KCNG2: variants seen among roughly 807,000 people sequenced by gnomAD.
The protein encoded by KCNG2 is potassium voltage-gated channel modifier subfamily G member 2.
Under a neutral mutation model 12.3 loss-of-function variants are expected in KCNG2, and 7 were observed. The ratio of observed to expected loss-of-function variants is 0.57; its 90% CI spans 0.32 to 1.07. KCNG2 has a LOEUF of 1.07. KCNG2 is among the 50% of genes least tolerant of loss of function. The pLI, the probability that KCNG2 is intolerant of heterozygous loss-of-function variation, is 0.04. For synonymous variants in KCNG2, 414 were observed against 351.4 expected, an observed-to-expected ratio of 1.18 and a Z score of -1.99; for missense variants, 703 against 726.0, an observed-to-expected ratio of 0.97 and a Z score of 0.36.
chr18:79,818,955 C>T (rs1477285168), intron 1 of KCNG2, among the ~76,000 whole-genome samples: 5 of 152,150 alleles, frequency 3.3e-5, no homozygotes, highest in Admixed American at 2.0e-4. Flanking sequence ...GACTAATGTC[C>T]GAGAGGCATC....
intron 3 of KCNG2, among the ~76,000 whole-genome samples, chr18:79,866,984 G>GGTGCTGAGAGGTCTGT (rs796153955): frequency 2.6e-5 from 3 of 113,376 alleles, no homozygotes; most frequent in African/African-American, 9.0e-5. Flanking sequence ...AAGAGGCCTG[G>GGTGCTGAGAGGTCTGT]GTGCTGAGAG....
intron 1 of KCNG2, among the ~76,000 whole-genome samples, chr18:79,826,527 T>C (rs1344146272): frequency 2.1e-5 from 3 of 144,840 alleles, no homozygotes; most frequent in Non-Finnish European, 4.5e-5. Context: ...CGTTACGTCA[T>C]TACGTTCAGT....
rs1354613299 is a variant in KCNG2, at chr18:79,800,466, G to T, written c.-115+2452G>T. Among the ~76,000 whole-genome samples the T allele has an allele frequency of 6.6e-6, 1 of 152,226 alleles. No homozygotes were observed. The highest frequency in any genetic ancestry group is 1.9e-4 in the East Asian group (1 of 5,194). ...GTAGGCATGAGTCCAACGAGGGCGG[G>T]CATTGACCGAGGTAGTTTAAGACCC... is the stretch of plus-strand genomic sequence containing the variant. On this transcript the variant is annotated intron_variant, in intron 1 of 3. Coordinates refer to ENST00000316249, the MANE Select transcript of KCNG2 (RefSeq NM_012283.2). The surrounding 1 kb of genome is among the most constrained non-coding windows in gnomAD (Gnocchi z 4.0).
At chr18:79,869,324 G>C (rs1298957641) in intron 3 of KCNG2, among the ~76,000 whole-genome samples, 1 of 152,176 alleles carries the variant, frequency 6.6e-6, no homozygotes, top group Non-Finnish European at 1.5e-5. Context: ...GCACACGGCG[G>C]GTGCGGAAGA....
chr18:79,815,121 G>A (rs1157232583), intron 1 of KCNG2, among the ~76,000 whole-genome samples: 1 of 152,060 alleles, frequency 6.6e-6, no homozygotes, highest in Non-Finnish European at 1.5e-5. Flanking sequence ...CCATCCTCAG[G>A]GTGAGGTATT....
At chr18:79,873,617 G>A (rs1473545054) in intron 3 of KCNG2, among the ~76,000 whole-genome samples, 1 of 152,024 alleles carries the variant, frequency 6.6e-6, no homozygotes, top group African/African-American at 2.4e-5. Flanking sequence ...TGTCTGTTGG[G>A]GAGCCCTGGA....
intron 2 of KCNG2, among the ~76,000 whole-genome samples, chr18:79,856,676 CA>C (rs1372703502): frequency 1.3e-5 from 2 of 152,128 alleles, no homozygotes; most frequent in Non-Finnish European, 2.9e-5. Flanking sequence ...CTGCAGAGGA[CA>C]GGGGAGCTCA....
chr18:79,844,505 T>C (rs1599386900), intron 1 of KCNG2, among the ~76,000 whole-genome samples: 1 of 152,200 alleles, frequency 6.6e-6, no homozygotes, highest in Non-Finnish European at 1.5e-5. Flanking sequence ...AATAATACTA[T>C]AGTGCATACT....
At chr18:79,838,201 A>G (rs555159872) in intron 1 of KCNG2, among the ~76,000 whole-genome samples, 23 of 152,354 alleles carry the variant, frequency 1.5e-4, no homozygotes, top group African/African-American at 5.5e-4. Context: ...TTACAAATCA[A>G]GATGAGATTT....
At chr18:79,823,895 A>C (rs1266295684) in intron 1 of KCNG2, among the ~76,000 whole-genome samples, 1 of 152,086 alleles carries the variant, frequency 6.6e-6, no homozygotes, top group Non-Finnish European at 1.5e-5. Flanking sequence ...CCATTTGTTC[A>C]TGTTTACTTT....
At chr18:79,809,827 A>G (rs2087480891) in intron 1 of KCNG2, among the ~76,000 whole-genome samples, 1 of 152,194 alleles carries the variant, frequency 6.6e-6, no homozygotes, top group Admixed American at 6.5e-5. Context: ...AAAAACAAGA[A>G]TGTGGCCAAA....
At chr18:79,816,714 G>A (rs1260049931) in intron 1 of KCNG2, among the ~76,000 whole-genome samples, 2 of 152,180 alleles carry the variant, frequency 1.3e-5, no homozygotes, top group Non-Finnish European at 2.9e-5. Flanking sequence ...TGTTCTCGCC[G>A]ACCTGGCTGA....
rs181046667 is a variant in KCNG2, at chr18:79,813,090, G to T, written c.-115+15076G>T. On this transcript the variant is annotated intron_variant, in intron 1 of 3. Coordinates refer to ENST00000316249, the MANE Select transcript of KCNG2 (RefSeq NM_012283.2). The stretch of plus-strand genomic sequence containing the variant: ...GAATCGCTTGAACCCAGGAGGGGGA[G>T]GTTGCGGTGAGCCGAGATCGCGCCA... Among the ~76,000 whole-genome samples the T allele has an allele frequency of 8.7e-3, 1,324 of 152,358 alleles. 9 individuals carry two copies. Among genetic ancestry groups the T allele is most frequent in the Non-Finnish European group, 0.015 (987 of 68,038 alleles).
chr18:79,828,467 CTGTG>C (rs918072673), intron 1 of KCNG2, among the ~76,000 whole-genome samples: 213 of 149,876 alleles, frequency 1.4e-3, no homozygotes, highest in African/African-American at 5.0e-3. Flanking sequence ...AAATGTGTGT[CTGTG>C]TGTGCATGAA....
chr18:79,852,058 T>TGC (rs1362204985), intron 1 of KCNG2, among the ~76,000 whole-genome samples: 1 of 152,246 alleles, frequency 6.6e-6, no homozygotes, highest in Non-Finnish European at 1.5e-5. Flanking sequence ...TGGGTCCGTC[T>TGC]GCACTAGCTC....
intron 3 of KCNG2, among the ~76,000 whole-genome samples, chr18:79,882,940 G>A (rs1241657986): frequency 8.5e-5 from 13 of 152,220 alleles, no homozygotes; most frequent in Non-Finnish European, 1.6e-4. Context: ...TGCGCTCATC[G>A]CACACCAGCG....
chr18:79,800,383 T>C lies in KCNG2; in HGVS notation c.-115+2369T>C, dbSNP rs1290451496. Among the ~76,000 whole-genome samples, 1 of 152,146 alleles carries C rather than the reference T, an allele frequency of 6.6e-6. No individual in the cohort carries two copies. The highest frequency in any genetic ancestry group is 1.5e-5 in the Non-Finnish European group (1 of 68,020). ...GGTAAGGAAAGGAGCCATGGGGCCC[T>C]TGCTGCCAGTGAGGTCGCTCAGACA... is the stretch of plus-strand genomic sequence containing the variant. On this transcript the variant is annotated intron_variant, in intron 1 of 3. Transcript: ENST00000316249. This position sits in a 1 kb window ranked among gnomAD's most constrained non-coding sequence, Gnocchi z 4.0.
intron 1 of KCNG2, among the ~76,000 whole-genome samples, chr18:79,836,194 G>A (rs974685547): frequency 2.6e-5 from 4 of 152,132 alleles, no homozygotes; most frequent in Non-Finnish European, 4.4e-5. Context: ...AAGATACATC[G>A]TGTAAACATT....
chr18:79,817,593 TTGTCACACCTGGC>T (rs2087539813), intron 1 of KCNG2, among the ~76,000 whole-genome samples: 1 of 152,212 alleles, frequency 6.6e-6, no homozygotes, highest in South Asian at 2.1e-4. Flanking sequence ...ACACAGATGG[TTGTCACACCTGGC>T]TGTCACACAC....
Sources: gnomAD v4.1 joint callset for allele counts (sites outside exome capture counted in the v4.1 genomes callset) on GRCh38, gnomAD v4.1.1 for gene constraint, Gnocchi (gnomAD v3.1) non-coding constraint, MANE v1.5 for transcripts, NCBI Gene and HGNC (gene_info 2026-07-23, HGNC 2026-07-21) for gene names.